KATNAL2: variants seen among roughly 807,000 people sequenced by gnomAD.
KATNAL2 encodes katanin p60 ATPase-containing subunit A-like 2.
KATNAL2 carries 52 observed loss-of-function variants against 76.3 expected under a neutral mutation model. The observed-to-expected ratio is 0.68, with a 90% CI of 0.55 to 0.86. The LOEUF (loss-of-function observed/expected upper bound fraction) is 0.86. Ranked by LOEUF, KATNAL2 falls within the 40% of genes least tolerant of loss-of-function variation. The pLI, the probability that KATNAL2 is intolerant of heterozygous loss-of-function variation, is 0.00. For missense variants in KATNAL2, 660 were observed against 668.9 expected, an observed-to-expected ratio of 0.99 and a Z score of 0.15; for synonymous variants, 243 against 244.2, an observed-to-expected ratio of 1.00 and a Z score of 0.05.
At chr18:46,958,843 G>C (rs2059844072) in intron 3 of KATNAL2, among the ~76,000 whole-genome samples, 1 of 152,186 alleles carries the variant, frequency 6.6e-6, no homozygotes, top group Non-Finnish European at 1.5e-5. Context: ...AACTGGAATT[G>C]ATCCACACAT....
At chr18:47,045,114 AAG>A (rs1699456444) in intron 3 of KATNAL2, among the ~76,000 whole-genome samples, 1 of 152,064 alleles carries the variant, frequency 6.6e-6, no homozygotes, top group South Asian at 2.1e-4. Flanking sequence ...AAAATTAAAA[AAG>A]AAAAAAAATG....
intron 1 of KATNAL2, among the ~76,000 whole-genome samples, chr18:46,942,360 T>C (rs2059270233): frequency 6.6e-6 from 1 of 152,196 alleles, no homozygotes; most frequent in African/African-American, 2.4e-5. Flanking sequence ...CTCACGCCTG[T>C]AATCCCAACA....
At chr18:47,098,345 C>T (rs1287134153) in intron 15 of KATNAL2, 8 of 252,084 alleles carry the variant, frequency 3.2e-5, no homozygotes, top group South Asian at 7.8e-5. Context: ...AGAATCATGG[C>T]GGGGGGCAAA....
intron 1 of KATNAL2, among the ~76,000 whole-genome samples, chr18:46,931,700 AAGAG>A (rs899592006): frequency 2.0e-5 from 3 of 150,416 alleles, no homozygotes; most frequent in Non-Finnish European, 3.0e-5. Context: ...GGAAGGAAGG[AAGAG>A]AGAGAGAAAG....
Position 47,043,245 on chromosome 18 carries a change from A to AAAAAAAAAAAAAAAAAAAAAAAAAAT in KATNAL2, c.52-3212_52-3211insAAAAAAAAAAAAAAAAAAAAAAAAAT, listed in dbSNP as rs376877321. ...CCGTTTCAAAAAAAAAAAAAAAAAA[A>AAAAAAAAAAAAAAAAAAAAAAAAAAT]GAGATCCTAAAAGCTTCCTGGGAAG... On this transcript the variant is annotated intron_variant, in intron 3 of 17. Transcript: ENST00000683218. 3.1e-3 allele frequency among the ~76,000 whole-genome samples: 290 copies of AAAAAAAAAAAAAAAAAAAAAAAAAAT among 93,084 alleles called. 59 individuals carry two copies. The highest frequency in any genetic ancestry group is 4.5e-3 in the South Asian group (11 of 2,440). The allele number at this position is 93,084 out of a possible 152,430, so 61.1% of individuals were successfully genotyped here. A position where few individuals can be genotyped will look rare whatever the true frequency, so the allele number is the denominator to read the frequency against.
chr18:47,056,714 A>T (rs572878402), intron 6 of KATNAL2, among the ~76,000 whole-genome samples: 3 of 152,140 alleles, frequency 2.0e-5, no homozygotes, highest in Non-Finnish European at 4.4e-5. Flanking sequence ...GATCTTGGGG[A>T]TCAGTTGCAT....
chr18:46,923,024 T>A (rs9949087), intron 1 of KATNAL2, among the ~76,000 whole-genome samples: 3,681 of 149,934 alleles, frequency 0.025, 145 homozygotes, highest in African/African-American at 0.085. Context: ...AGAACTTTTT[T>A]TTTTTAGACC....
At chr18:46,946,635 C>A in intron 2 of KATNAL2, 89 bp downstream of exon 2, 1 of 878,834 alleles carries the variant, frequency 1.1e-6, no homozygotes, top group Non-Finnish European at 1.4e-6. Context: ...TAACAATCTT[C>A]CCTCTTCGAT....
rs1278124781 is a variant in KATNAL2, at chr18:46,928,741, A to G, written c.-510+10815A>G. 2.6e-5 allele frequency among the ~76,000 whole-genome samples: 4 copies of G among 151,994 alleles called. No individual in the cohort carries two copies. The East Asian group carries it at 7.7e-4, about 29-fold the overall frequency. On this transcript the variant is annotated intron_variant, in intron 1 of 17. Transcript: ENST00000683218. ...GAACATTTTCATCAACCCCAGGAAG[A>G]TCCCTATTCCCCCTTCCCAGTCAAA...
At chr18:46,921,103 A>G (rs7241061) in intron 1 of KATNAL2, among the ~76,000 whole-genome samples, 1,902 of 152,230 alleles carry the variant, frequency 0.012, 36 homozygotes, top group African/African-American at 0.042. Context: ...AAGTGTCCTA[A>G]GTTTTTTTGT....
At chr18:47,067,161 T>G (rs1555864583) in intron 11 of KATNAL2, 42 bp downstream of exon 11, 3 of 996,860 alleles carry the variant, frequency 3.0e-6, no homozygotes, top group Non-Finnish European at 4.6e-6. Context: ...CTGTTCACTA[T>G]CCATTGGACA....
Position 46,946,292 on chromosome 18 carries a change from A to T in KATNAL2, c.-274A>T. On this transcript the variant is annotated 5_prime_UTR_variant, in exon 2 of 18. Transcript: ENST00000683218. ...TGAGAACAGGTCTGATGTGAAAGGA[A>T]TTGGAGGAGAAGGGGAAGTTTGGTG... is the stretch of plus-strand genomic sequence containing the variant. 9.4e-7 allele frequency: 1 copy of T among 1,065,876 alleles called. No individual in the cohort carries two copies. The highest frequency in any genetic ancestry group is 4.9e-5 in the Admixed American group (1 of 20,256). 66.0% of individuals were successfully genotyped at this position (1,065,876 alleles called of 1,614,324 possible). A position where few individuals can be genotyped will look rare whatever the true frequency, so the allele number is the denominator to read the frequency against.
intron 1 of KATNAL2, among the ~76,000 whole-genome samples, chr18:46,923,640 G>A (rs1404912005): frequency 3.3e-5 from 5 of 152,136 alleles, no homozygotes. Context: ...GATCCCTGAG[G>A]AATCGCCACA....
chr18:47,031,740 A>G (rs1334050770), intron 3 of KATNAL2, among the ~76,000 whole-genome samples: 2 of 152,104 alleles, frequency 1.3e-5, no homozygotes, highest in African/African-American at 4.8e-5. Context: ...CGGCCTCCCA[A>G]AGTGCTGAGG....
At chr18:47,077,561 G>A in intron 15 of KATNAL2, 100 bp downstream of exon 15, 1 of 789,508 alleles carries the variant, frequency 1.3e-6, no homozygotes. Context: ...TGTGTTGTTT[G>A]GCTGCAGCCC....
chr18:47,033,934 G>A lies in KATNAL2; in HGVS notation c.52-12523G>A, dbSNP rs1238485705. On this transcript the variant is annotated intron_variant, in intron 3 of 17. Coordinates refer to ENST00000683218, the MANE Select transcript of KATNAL2 (RefSeq NM_001387690.1). ...TTTCGGCCCGGCGGAATCAGCGCCG[G>A]CCGCCTGCAGCCTCTCTGACTGGCT... is the stretch of plus-strand genomic sequence containing the variant. The A allele has an allele frequency of 1.2e-6, 2 of 1,612,862 alleles. No individual in the cohort carries two copies. The highest frequency in any genetic ancestry group is 2.2e-5 in the East Asian group (1 of 44,880).
intron 3 of KATNAL2, chr18:47,033,014 A>C: frequency 6.2e-7 from 1 of 1,614,094 alleles, no homozygotes; most frequent in Middle Eastern, 1.7e-4. Flanking sequence ...TATCGTCGGG[A>C]GAATCTTCTC....
intron 9 of KATNAL2, 25 bp downstream of exon 9, chr18:47,063,095 A>T: frequency 6.3e-7 from 1 of 1,586,894 alleles, no homozygotes; most frequent in South Asian, 1.1e-5. Context: ...TGTGACATTC[A>T]TCTTTCAAAT....
intron 3 of KATNAL2, among the ~76,000 whole-genome samples, chr18:46,958,322 T>C (rs943501453): frequency 1.3e-5 from 2 of 152,110 alleles, no homozygotes; most frequent in Non-Finnish European, 2.9e-5. Flanking sequence ...TCAGCTTCTA[T>C]AATCACATGA....
Sources: gnomAD v4.1 joint callset for allele counts (sites outside exome capture counted in the v4.1 genomes callset) on GRCh38, gnomAD v4.1.1 for gene constraint, MANE v1.5 for transcripts, NCBI Gene and HGNC (gene_info 2026-07-23, HGNC 2026-07-21) for gene names.